USP47: variants seen among roughly 807,000 people sequenced by gnomAD.
USP47 encodes ubiquitin carboxyl-terminal hydrolase 47.
A neutral mutation model predicts 165.1 loss-of-function variants in USP47; 35 were observed. The ratio of observed to expected loss-of-function variants is 0.21; its 90% CI spans 0.16 to 0.28. The LOEUF is 0.28. USP47 is among the 10% of genes least tolerant of loss of function. The pLI is 1.00. For missense variants in USP47, 1,277 were observed against 1,607.4 expected (o/e 0.79, Z 3.52); for synonymous variants, 531 against 544.5 (o/e 0.98, Z 0.35).
chr11:11,884,379 A>G, intron 2 of USP47, 88 bp from the exon 3 acceptor site: 1 of 945,120 alleles, frequency 1.1e-6, no homozygotes, highest in Non-Finnish European at 1.5e-6. Context: ...TACTAAAAAA[A>G]TACTATTTAA....
intron 6 of USP47, 40 bp downstream of exon 6, chr11:11,902,900 A>G (rs1852317980): frequency 4.7e-6 from 7 of 1,487,052 alleles, no homozygotes; most frequent in Admixed American, 2.4e-5. Flanking sequence ...CTAATATTCA[A>G]ACAAATTCTA....
chr11:11,927,989 G>A (rs1854377216), intron 11 of USP47, among the ~76,000 whole-genome samples: 1 of 151,988 alleles, frequency 6.6e-6, no homozygotes, highest in African/African-American at 2.4e-5. Flanking sequence ...AGGTGATTCA[G>A]TCTTCTGAAT....
chr11:11,860,210 C>T (rs1403674592), intron 1 of USP47, among the ~76,000 whole-genome samples: 2 of 151,562 alleles, frequency 1.3e-5, no homozygotes, highest in East Asian at 3.9e-4. Context: ...AGTGCAATGG[C>T]GCGATCTCGG....
Position 11,956,466 on chromosome 11 carries a change from A to C in USP47, c.*291A>C, listed in dbSNP as rs1014950963. On this transcript the variant is annotated 3_prime_UTR_variant, in exon 28 of 28. Transcript: ENST00000527733. ...TTCTATTAGAAAAGGGGACAGGGGA[A>C]TGAGTAAACTTCTTTTATTGCGGAC... 1.6e-5 allele frequency: 4 copies of C among 245,588 alleles called. No individual in the cohort carries two copies. Among genetic ancestry groups the C allele is most frequent in the Non-Finnish European group, 2.3e-5 (3 of 127,942 alleles). 15.2% of individuals were successfully genotyped at this position (245,588 alleles called of 1,614,324 possible).
intron 22 of USP47, chr11:11,949,043 A>C (rs1769532280): frequency 6.5e-6 from 1 of 152,820 alleles, no homozygotes; most frequent in South Asian, 2.1e-4. Flanking sequence ...AGGTGCTTGC[A>C]AATATTAACT....
At chr11:11,907,604 C>T (rs1852655068) in intron 8 of USP47, among the ~76,000 whole-genome samples, 1 of 152,024 alleles carries the variant, frequency 6.6e-6, no homozygotes, top group African/African-American at 2.4e-5. Context: ...ATTTTGTTAA[C>T]TGTGTATGTT....
intron 3 of USP47, among the ~76,000 whole-genome samples, chr11:11,887,576 A>G (rs1250660612): frequency 1.3e-5 from 2 of 152,210 alleles, no homozygotes; most frequent in African/African-American, 4.8e-5. Context: ...TTCATAAAGC[A>G]AGTTCTTAGA....
At chr11:11,917,965 T>C (rs1453244503) in intron 8 of USP47, among the ~76,000 whole-genome samples, 1 of 152,118 alleles carries the variant, frequency 6.6e-6, no homozygotes, top group Non-Finnish European at 1.5e-5. Flanking sequence ...GGGTGGAAGA[T>C]TTGGTAAGGC....
At chr11:11,853,632 G>A (rs756667886) in intron 1 of USP47, among the ~76,000 whole-genome samples, 1 of 152,168 alleles carries the variant, frequency 6.6e-6, no homozygotes, top group Non-Finnish European at 1.5e-5. Context: ...GTCCTTAGGT[G>A]TGGAAGTAAT....
chr11:11,865,192 CT>C (rs1277350174), intron 1 of USP47, among the ~76,000 whole-genome samples: 1 of 152,138 alleles, frequency 6.6e-6, no homozygotes, highest in Non-Finnish European at 1.5e-5. Flanking sequence ...AGGTTAATGT[CT>C]TTTGCCAAAT....
chr11:11,947,687 G>C (rs552274737), intron 20 of USP47, among the ~76,000 whole-genome samples: 63 of 152,240 alleles, frequency 4.1e-4, no homozygotes, highest in African/African-American at 1.4e-3. Context: ...CTAGAAGCTT[G>C]TTTTTGAGTT....
At chr11:11,887,070 C>T (rs891751385) in intron 3 of USP47, among the ~76,000 whole-genome samples, 4 of 152,256 alleles carry the variant, frequency 2.6e-5, no homozygotes, top group African/African-American at 4.8e-5. Context: ...CTTGCAAGAG[C>T]TCCTGAAGAA....
rs2134961504 is a variant in USP47 at position 11,960,725 on chromosome 11, A to G, written c.*4550A>G. Among the ~76,000 whole-genome samples, 1 of 152,362 alleles carries G rather than the reference A, an allele frequency of 6.6e-6. No homozygotes were observed. The highest frequency in any genetic ancestry group is 1.9e-4 in the East Asian group (1 of 5,182). On this transcript the variant is annotated 3_prime_UTR_variant, in exon 28 of 28. Coordinates refer to ENST00000527733, the MANE Select transcript of USP47 (RefSeq NM_001282659.2). ...TGCTGCTGCTGAGGTGGCCACTTTC[A>G]GCAAGCCCTGTGTGCAGGGGCCTAG...
At position 11,842,195 on chromosome 11, in the gene USP47, G is replaced by T. The variant is rs1403694735; in HGVS notation, c.10G>T (p.Gly4Cys). The part of the protein sequence containing the change: MVP[G>C]EENQLVPKEI... ...GCGGCCGGAGTCAGCGATGGTGCCCGGCGAGGAGAACCAACTGGTCCCGAA... is the reference window on the plus strand; with the variant it reads ...GCGGCCGGAGTCAGCGATGGTGCCCTGCGAGGAGAACCAACTGGTCCCGAA... The change falls in exon 1 of 28, where the codon GGC (glycine) becomes TGC (cysteine). Residue 4 changes from glycine (G) to cysteine (C), a missense_variant. Gly to Cys is a radical substitution (Grantham distance 159). Around this residue, in one of 4 missense-constraint regions of USP47, gnomAD observed 181 missense variants for 194.7 expected, o/e 0.93. Transcript: ENST00000527733. 1 of 1,553,956 alleles carries T rather than the reference G, an allele frequency of 6.4e-7. No homozygotes were observed. The highest frequency in any genetic ancestry group is 8.7e-7 in the Non-Finnish European group (1 of 1,147,850).
At chr11:11,842,278 ACAGGCCCGGGCCGGGGTTCGGCTG>A (rs1848167010) in intron 1 of USP47, 54 bp downstream of exon 1, 1 of 1,536,222 alleles carries the variant, frequency 6.5e-7, no homozygotes, top group Non-Finnish European at 8.8e-7. Flanking sequence ...TCGAGGCAAC[ACAGGCCCGGGCCGGGGTTCGGCTG>A]CGGGCCCGGC....
intron 3 of USP47, among the ~76,000 whole-genome samples, chr11:11,886,891 A>C (rs1851199329): frequency 6.6e-6 from 1 of 152,198 alleles, no homozygotes; most frequent in African/African-American, 2.4e-5. Flanking sequence ...CTCTCAGTGG[A>C]AACCCTACAA....
At position 11,897,713 on chromosome 11, in the gene USP47, G is replaced by A. The variant is rs767607529; in HGVS notation, c.593+20G>A. ...ATATAAGTGAGTATTCAAAAAAATTGTATACATAAAATTGATTTAAGAATG... is the reference window on the plus strand; with the variant it reads ...ATATAAGTGAGTATTCAAAAAAATTATATACATAAAATTGATTTAAGAATG... On this transcript the variant is annotated intron_variant, in intron 5 of 27. Coordinates refer to ENST00000527733, the MANE Select transcript of USP47 (RefSeq NM_001282659.2). The A allele has an allele frequency of 8.8e-6, 13 of 1,477,278 alleles. No homozygotes were observed. The highest frequency in any genetic ancestry group is 1.2e-5 in the South Asian group (1 of 80,530). The allele number at this position is 1,477,278 out of a possible 1,614,324, so 91.5% of individuals were successfully genotyped here. A position where few individuals can be genotyped will look rare whatever the true frequency, so the allele number is the denominator to read the frequency against.
intron 3 of USP47, among the ~76,000 whole-genome samples, chr11:11,887,360 C>T (rs1469957998): frequency 2.0e-5 from 3 of 151,898 alleles, no homozygotes; most frequent in Non-Finnish European, 4.4e-5. Context: ...CACACATAGG[C>T]TCAAAATAAA....
At chr11:11,882,475 A>AT (rs1272819495) in intron 2 of USP47, among the ~76,000 whole-genome samples, 1 of 152,180 alleles carries the variant, frequency 6.6e-6, no homozygotes, top group Non-Finnish European at 1.5e-5. Flanking sequence ...TTAAACTGAA[A>AT]TTAACCAGTA....
Sources: allele counts gnomAD v4.1 joint callset (sites outside exome capture counted in the v4.1 genomes callset), GRCh38; gene constraint gnomAD v4.1.1; regional missense constraint gnomAD v4.1.1; transcripts MANE v1.5; gene names NCBI Gene and HGNC (gene_info 2026-07-23, HGNC 2026-07-21).